The following ZC3H18 variants were observed in gnomAD, a reference collection of about 807,000 sequenced individuals.
ZC3H18 encodes zinc finger CCCH domain-containing protein 18.
In ZC3H18, 8 loss-of-function variants were observed where a neutral mutation model predicts 106.1. The ratio of observed to expected loss-of-function variants is 0.08; its 90% CI spans 0.04 to 0.14. The LOEUF is 0.14. Among genes scored for constraint, ZC3H18 ranks in the 10% least tolerant of loss-of-function variants. The pLI is 1.00. For synonymous variants in ZC3H18, 635 were observed against 522.1 expected, an observed-to-expected ratio of 1.22 and a Z score of -2.95; for missense variants, 1,318 against 1,278.4, an observed-to-expected ratio of 1.03 and a Z score of -0.47.
At chr16:88,624,882 G>A in intron 12 of ZC3H18, 137 bp downstream of exon 12, 1 of 1,311,460 alleles carries the variant, frequency 7.6e-7, no homozygotes, top group African/African-American at 1.5e-5. Flanking sequence ...GCAGCACCCA[G>A]TGAGCCCTTA....
At chr16:88,611,129 C>A (rs1017393595) in intron 7 of ZC3H18, 139 bp from the exon 8 acceptor site, 8 of 677,568 alleles carry the variant, frequency 1.2e-5, no homozygotes, top group African/African-American at 3.6e-5. Flanking sequence ...GAGCACTTGG[C>A]GTTTTGTGTG....
At chr16:88,571,265 T>G (rs1914388532) in intron 1 of ZC3H18, among the ~76,000 whole-genome samples, 1 of 152,212 alleles carries the variant, frequency 6.6e-6, no homozygotes, top group Non-Finnish European at 1.5e-5. Context: ...TAAATGAGCT[T>G]TGTTCGAACA....
chr16:88,575,240 A>G lies in ZC3H18; in HGVS notation c.-14-1870A>G, dbSNP rs540054906. 1.5e-3 allele frequency among the ~76,000 whole-genome samples: 230 copies of G among 152,178 alleles called. 8 individuals are homozygous for G. Among genetic ancestry groups the G allele is most frequent in the Non-Finnish European group, 2.0e-3 (135 of 67,924 alleles). ...GTGCATCTTTAAACAGGTTGTATTA[A>G]AAGTATAAATTTAAAAGATGAATAT... On this transcript the variant is annotated intron_variant, in intron 1 of 17. Transcript: ENST00000301011.
Position 88,624,739 on chromosome 16 carries a change from C to G in ZC3H18, c.2036C>G (p.Pro679Arg), listed in dbSNP as rs745412168. ...AAGGAGCGGCCAGCCAGGACCCCCC[C>G]CAGGAGGTGAGCACTCCGGCGTCCG... ...RRKERPARTP[P>R]RRRTLSGSGS... Residue 679 changes from proline (P) to arginine (R), a missense_variant, in exon 12 of 18, where the codon CCC becomes CGC. Physicochemically the swap from Pro to Arg is moderately radical, Grantham distance 103. Around this residue, in one of 6 missense-constraint regions of ZC3H18, gnomAD observed 848 missense variants for 821.7 expected, o/e 1.03. Coordinates refer to ENST00000301011, the MANE Select transcript of ZC3H18 (RefSeq NM_144604.4). 6 of 1,611,940 alleles carry G rather than the reference C, an allele frequency of 3.7e-6. No individual in the cohort carries two copies. The highest frequency in any genetic ancestry group is 5.1e-6 in the Non-Finnish European group (6 of 1,179,340).
At chr16:88,584,867 A>G (rs1389295485) in intron 2 of ZC3H18, among the ~76,000 whole-genome samples, 1 of 152,150 alleles carries the variant, frequency 6.6e-6, no homozygotes, top group Non-Finnish European at 1.5e-5. Context: ...ATGCGGGAAA[A>G]ACCCTTCTCA....
chr16:88,594,789 T>C (rs962172568), intron 3 of ZC3H18, among the ~76,000 whole-genome samples: 2 of 152,210 alleles, frequency 1.3e-5, no homozygotes, highest in African/African-American at 4.8e-5. Context: ...AAGTATTTCA[T>C]TTGATTATGA....
chr16:88,574,171 G>A (rs1444807541), intron 1 of ZC3H18, among the ~76,000 whole-genome samples: 1 of 151,868 alleles, frequency 6.6e-6, no homozygotes, highest in Non-Finnish European at 1.5e-5. Context: ...CACCACCCTT[G>A]GCCCATTTAG....
At chr16:88,606,013 C>A (rs1487415606) in intron 6 of ZC3H18, among the ~76,000 whole-genome samples, 1 of 152,250 alleles carries the variant, frequency 6.6e-6, no homozygotes, top group Admixed American at 6.5e-5. Context: ...GCACAGGACA[C>A]TGTTGGTGTT....
intron 7 of ZC3H18, among the ~76,000 whole-genome samples, chr16:88,611,037 C>T (rs1905243450): frequency 6.6e-6 from 1 of 152,146 alleles, no homozygotes; most frequent in Non-Finnish European, 1.5e-5. Flanking sequence ...AGATGAGATC[C>T]CCACTTGAGG....
chr16:88,595,293 C>A (rs1260000871), intron 3 of ZC3H18, among the ~76,000 whole-genome samples: 1 of 151,984 alleles, frequency 6.6e-6, no homozygotes, highest in East Asian at 1.9e-4. Context: ...CGCCCCGCTC[C>A]AGCGGCCTCT....
chr16:88,577,716 G>T lies in ZC3H18; in HGVS notation c.593G>T (p.Gly198Val), dbSNP rs1461186157. The change falls in exon 2 of 18, where the codon GGG becomes GTG. Residue 198 changes from glycine to valine, a missense_variant. Physicochemically the swap from Gly to Val is moderately radical, Grantham distance 109. Transcript: ENST00000301011. ...KEDDDGEIDD[G>V]EIDDDDLEEG... ...GACGATGATGGAGAAATCGATGATG[G>T]GGAAATAGACGTGAGTATGATGGAG... 1.2e-6 allele frequency: 2 copies of T among 1,613,390 alleles called. No individual in the cohort carries two copies. Among genetic ancestry groups the T allele is most frequent in the South Asian group, 2.2e-5 (2 of 91,052 alleles).
intron 3 of ZC3H18, among the ~76,000 whole-genome samples, chr16:88,587,186 G>C (rs2142589019): frequency 6.6e-6 from 1 of 152,336 alleles, no homozygotes; most frequent in South Asian, 2.1e-4. Flanking sequence ...TAGAAGGAAT[G>C]GTGTGAGTTC....
In ZC3H18 at chr16:88,628,020, C is replaced by T. The variant is rs771560485; in HGVS notation, c.2370C>T (p.Ser790=). 3 of 1,614,076 alleles carry T rather than the reference C, an allele frequency of 1.9e-6. No homozygotes were observed. Among genetic ancestry groups the T allele is most frequent in the Non-Finnish European group, 2.5e-6 (3 of 1,180,054 alleles). Reference sequence around the variant, plus strand: ...CAAAACCTCCAGCAGGGGGGAAGTCCTCCCAGCAGCCCTCGACACCCCAGC... The same window carrying T: ...CAAAACCTCCAGCAGGGGGGAAGTCTTCCCAGCAGCCCTCGACACCCCAGC... ...KSAKPPAGGK[S]SQQPSTPQQA... The change falls in exon 15 of 18, where the codon TCC becomes TCT. Residue 790 remains serine, a synonymous_variant. Coordinates refer to ENST00000301011, the MANE Select transcript of ZC3H18 (RefSeq NM_144604.4).
At chr16:88,623,646 G>A in intron 10 of ZC3H18, 4 of 555,840 alleles carry the variant, frequency 7.2e-6, no homozygotes. Context: ...CTGTCCTGTG[G>A]GTGTTTCTAT....
At position 88,577,150 on chromosome 16, in the gene ZC3H18, G is replaced by A; in HGVS notation, c.27G>A (p.Arg9=). The A allele has an allele frequency of 6.3e-7, 1 of 1,578,904 alleles. No individual in the cohort carries two copies. Among genetic ancestry groups the A allele is most frequent in the Non-Finnish European group, 8.6e-7 (1 of 1,160,264 alleles). MDVAESPE[R]DPHSPEDEEQ... is the part of the protein sequence containing the mutation. Reference sequence around the variant, plus strand: ...TGGATGTGGCCGAGAGCCCTGAACGGGATCCTCACTCTCCAGAGGATGAAG... The same window carrying A: ...TGGATGTGGCCGAGAGCCCTGAACGAGATCCTCACTCTCCAGAGGATGAAG... The change falls in exon 2 of 18, where the codon CGG becomes CGA. Residue 9 remains arginine, a synonymous_variant. Coordinates refer to ENST00000301011, the MANE Select transcript of ZC3H18 (RefSeq NM_144604.4).
intron 1 of ZC3H18, 150 bp downstream of exon 1, chr16:88,570,716 C>G (rs1158446188): frequency 6.6e-6 from 1 of 151,470 alleles, no homozygotes; most frequent in African/African-American, 2.4e-5. Flanking sequence ...GCGTGGCCCT[C>G]GGGCCCAGGG....
intron 8 of ZC3H18, among the ~76,000 whole-genome samples, chr16:88,618,705 C>A (rs369428807): frequency 6.6e-6 from 1 of 152,164 alleles, no homozygotes; most frequent in Non-Finnish European, 1.5e-5. Flanking sequence ...TGGCCTTCAA[C>A]GGGGAATGGG....
At chr16:88,588,215 C>G (rs945047891) in intron 3 of ZC3H18, among the ~76,000 whole-genome samples, 1 of 152,214 alleles carries the variant, frequency 6.6e-6, no homozygotes, top group Non-Finnish European at 1.5e-5. Flanking sequence ...TCTCAAATTT[C>G]TGTATGAAAG....
chr16:88,608,832 A>G, intron 6 of ZC3H18, 102 bp from the exon 7 acceptor site: 1 of 955,418 alleles, frequency 1.0e-6, no homozygotes, highest in South Asian at 1.7e-5. Flanking sequence ...AGTAAACCCC[A>G]CTGCGTCACG....
Sources: allele counts gnomAD v4.1 joint callset (sites outside exome capture counted in the v4.1 genomes callset), GRCh38; gene constraint gnomAD v4.1.1; regional missense constraint gnomAD v4.1.1; transcripts MANE v1.5; gene names NCBI Gene and HGNC (gene_info 2026-07-23, HGNC 2026-07-21).